The following ZNF493 variants were observed in gnomAD, a reference collection of about 807,000 sequenced individuals.
ZNF493 encodes the protein zinc finger protein 493.
Under a neutral mutation model 12.2 loss-of-function variants are expected in ZNF493, and 11 were observed. That is an observed-to-expected ratio of 0.90 (90% confidence interval 0.57 to 1.50). The LOEUF is 1.50. Among genes scored for constraint, ZNF493 ranks in the 40% most tolerant of loss-of-function variants. ZNF493 has a pLI of 0.00. For missense variants in ZNF493, 950 were observed against 906.6 expected, an observed-to-expected ratio of 1.05 and a Z score of -0.61; for synonymous variants, 286 against 302.6, an observed-to-expected ratio of 0.95 and a Z score of 0.57.
chr19:21,424,769 A>G lies in ZNF493; in HGVS notation c.2110A>G (p.Lys704Glu), dbSNP rs1313747250. 2 of 1,613,336 alleles carry G rather than the reference A, an allele frequency of 1.2e-6. No individual in the cohort carries two copies. Among genetic ancestry groups the G allele is most frequent in the Non-Finnish European group, 8.5e-7 (1 of 1,179,614 alleles). Residue 704 changes from lysine to glutamate, a missense_variant, in exon 4 of 4, where the codon AAG (lysine) becomes GAG (glutamate). Physicochemically the swap from Lys to Glu is moderately conservative, Grantham distance 56. Transcript: ENST00000392288. ...FYRFSNLNTH[K>E]IIHTGEKPCK... is the part of the protein sequence containing the mutation. ...CCGATTCTCAAACCTTAATACGCAT[A>G]AGATAATTCATACTGGAGAGAAACC...
chr19:21,410,652 A>G (rs1404080515), intron 3 of ZNF493, among the ~76,000 whole-genome samples: 1 of 152,114 alleles, frequency 6.6e-6, no homozygotes, highest in Admixed American at 6.5e-5. Flanking sequence ...TTTCAAGTAT[A>G]GTGTAGTTAC....
intron 3 of ZNF493, chr19:21,413,220 C>T (rs369131557): frequency 1.1e-4 from 39 of 354,774 alleles, no homozygotes; most frequent in South Asian, 6.7e-4. Flanking sequence ...TTTTTGAGGG[C>T]GGTATGCCTC....
chr19:21,415,997 T>C (rs1183844382), intron 3 of ZNF493, among the ~76,000 whole-genome samples: 1 of 152,240 alleles, frequency 6.6e-6, no homozygotes, highest in African/African-American at 2.4e-5. Context: ...TTATGAAAAC[T>C]GGAGAATTCC....
intron 3 of ZNF493, among the ~76,000 whole-genome samples, chr19:21,415,455 C>T (rs1474520540): frequency 1.3e-5 from 2 of 152,106 alleles, no homozygotes; most frequent in Non-Finnish European, 2.9e-5. Flanking sequence ...CTTTCTGTGG[C>T]ACAATGGTAG....
chr19:21,424,916 T>G lies in ZNF493; in HGVS notation c.2257T>G (p.Ser753Ala). The change falls in exon 4 of 4, where the codon TCT (serine) becomes GCT (alanine). Residue 753 changes from serine to alanine, a missense_variant. Ser to Ala is a moderately conservative substitution (Grantham distance 99, BLOSUM62 1). Transcript: ENST00000392288. ...CEACGKAFRRSSHLSRHKIIH... is the reference protein window; with the variant it reads ...CEACGKAFRRASHLSRHKIIH... The stretch of plus-strand genomic sequence containing the variant: ...AGCATGTGGCAAAGCTTTTAGGCGG[T>G]CTTCACATCTTAGTAGACATAAGAT... 6.2e-7 allele frequency: 1 copy of G among 1,612,270 alleles called. No individual in the cohort carries two copies. The highest frequency in any genetic ancestry group is 8.5e-7 in the Non-Finnish European group (1 of 1,179,160).
In ZNF493 at chr19:21,423,216, A is replaced by T; in HGVS notation, c.557A>T (p.Lys186Ile). The T allele has an allele frequency of 3.1e-6, 5 of 1,613,882 alleles. No homozygotes were observed. The highest frequency in any genetic ancestry group is 4.2e-6 in the Non-Finnish European group (5 of 1,179,878). The change falls in exon 4 of 4, where the codon AAA becomes ATA. Residue 186 changes from lysine to isoleucine, a missense_variant. Transcript: ENST00000392288. ...GGAAAGAAACCTTTCAAATGTAAAA[A>T]ATGTGGCAAATCATTTTGCATGCTT... ...HTGKKPFKCK[K>I]CGKSFCMLLH...
intron 3 of ZNF493, among the ~76,000 whole-genome samples, chr19:21,407,165 T>C (rs1158893323): frequency 1.3e-5 from 2 of 152,108 alleles, no homozygotes; most frequent in Non-Finnish European, 2.9e-5. Context: ...CTCGCCATTA[T>C]GGTGAAACCC....
chr19:21,397,356 C>G (rs1974187435), intron 1 of ZNF493, 89 bp downstream of exon 1: 4 of 1,461,042 alleles, frequency 2.7e-6, no homozygotes, highest in Non-Finnish European at 1.9e-6. Context: ...CAGGCCTCCC[C>G]GCAGTCAGCT....
rs754496875 is a variant in ZNF493 at position 21,423,420 on chromosome 19, C to T, written c.761C>T (p.Thr254Ile). The part of the protein sequence containing the change: ...KSFNQDSNLT[T>I]HKRIHTGQKP... ...TTTAACCAGGACTCAAACCTTACTA[C>T]ACATAAGAGAATTCATACTGGACAG... Residue 254 changes from threonine (T) to isoleucine (I), a missense_variant, in exon 4 of 4, where the codon ACA becomes ATA. Thr to Ile is a moderately conservative substitution (Grantham distance 89). Transcript: ENST00000392288. The T allele has an allele frequency of 5.0e-6, 8 of 1,613,580 alleles. No homozygotes were observed. The highest frequency in any genetic ancestry group is 1.7e-4 in the Middle Eastern group (1 of 6,058).
chr19:21,420,454 A>G (rs2030622416), intron 3 of ZNF493, among the ~76,000 whole-genome samples: 1 of 150,390 alleles, frequency 6.6e-6, no homozygotes, highest in Admixed American at 6.6e-5. Flanking sequence ...TGTTATTTAC[A>G]TTGGAAGCAA....
intron 3 of ZNF493, among the ~76,000 whole-genome samples, chr19:21,410,612 G>C (rs1409862182): frequency 6.6e-6 from 1 of 151,870 alleles, no homozygotes; most frequent in African/African-American, 2.4e-5. Context: ...TATCACATAT[G>C]ATTTTTGAAT....
At chr19:21,407,004 T>C (rs1296451515) in intron 3 of ZNF493, among the ~76,000 whole-genome samples, 5 of 152,142 alleles carry the variant, frequency 3.3e-5, no homozygotes, top group African/African-American at 9.6e-5. Context: ...ATTTTTTGCC[T>C]CGGGTTAAAT....
In ZNF493 at chr19:21,400,685, C is replaced by A. The variant is rs867011348; in HGVS notation, c.30+3418C>A. Reference sequence around the variant, plus strand: ...GCCATGGAAGAAGCCTTTCTGCTGACAGAAGCTACAGAGTCCTGGAAAGCT... The same window carrying A: ...GCCATGGAAGAAGCCTTTCTGCTGAAAGAAGCTACAGAGTCCTGGAAAGCT... On this transcript the variant is annotated intron_variant, in intron 1 of 3. Coordinates refer to ENST00000392288, the MANE Select transcript of ZNF493 (RefSeq NM_001076678.3). Among the ~76,000 whole-genome samples, 3 of 152,090 alleles carry A rather than the reference C, an allele frequency of 2.0e-5. No homozygotes were observed. The South Asian group carries it at 6.2e-4, about 31-fold the overall frequency.
At chr19:21,413,239 G>A in intron 3 of ZNF493, 1 of 382,272 alleles carries the variant, frequency 2.6e-6, no homozygotes, top group South Asian at 4.2e-5. Flanking sequence ...TCAATTATAG[G>A]AGCAGATTTA....
Position 21,405,259 on chromosome 19 carries a change from A to G in ZNF493, c.157+4A>G. 6.2e-7 allele frequency: 1 copy of G among 1,610,636 alleles called. No individual in the cohort carries two copies. The highest frequency in any genetic ancestry group is 8.5e-7 in the Non-Finnish European group (1 of 1,179,186). Reference sequence around the variant, plus strand: ...TACAGAAACCTGGTCTTCTTGGGTGAGAATAACTTTAATACAAAATCCCTT... The same window carrying G: ...TACAGAAACCTGGTCTTCTTGGGTGGGAATAACTTTAATACAAAATCCCTT... On this transcript the variant is annotated splice_donor_region_variant and intron_variant, in intron 2 of 3. Transcript: ENST00000392288.
intron 1 of ZNF493, chr19:21,398,357 C>T: frequency 6.1e-6 from 1 of 163,216 alleles, no homozygotes; most frequent in Non-Finnish European, 1.3e-5. Flanking sequence ...AATAATAATA[C>T]CCTGACACTG....
chr19:21,423,714 A>G lies in ZNF493; in HGVS notation c.1055A>G (p.Glu352Gly). The G allele has an allele frequency of 6.2e-7, 1 of 1,613,746 alleles. No individual in the cohort carries two copies. Among genetic ancestry groups the G allele is most frequent in the Non-Finnish European group, 8.5e-7 (1 of 1,179,754 alleles). ...IHTEEKSHRC[E>G]EYCKAYKESS... Reference sequence around the variant, plus strand: ...ACTGAAGAGAAATCCCACAGATGTGAAGAATATTGCAAAGCTTATAAGGAG... The same window carrying G: ...ACTGAAGAGAAATCCCACAGATGTGGAGAATATTGCAAAGCTTATAAGGAG... The change falls in exon 4 of 4, where the codon GAA (glutamate) becomes GGA (glycine). Residue 352 changes from glutamate (E) to glycine (G), a missense_variant. Coordinates refer to ENST00000392288, the MANE Select transcript of ZNF493 (RefSeq NM_001076678.3).
chr19:21,400,563 A>G (rs1030063881), intron 1 of ZNF493, among the ~76,000 whole-genome samples: 2 of 152,214 alleles, frequency 1.3e-5, no homozygotes, highest in Non-Finnish European at 2.9e-5. Context: ...CTCAGAGCTA[A>G]GGCTAATACT....
intron 3 of ZNF493, chr19:21,413,575 A>G: frequency 2.5e-6 from 1 of 408,040 alleles, no homozygotes. Context: ...CAATCTTGAC[A>G]TGGCTGCAAC....
Sources: allele counts gnomAD v4.1 joint callset (sites outside exome capture counted in the v4.1 genomes callset), GRCh38; gene constraint gnomAD v4.1.1; transcripts MANE v1.5; gene names NCBI Gene and HGNC (gene_info 2026-07-23, HGNC 2026-07-21).